The following TTN variants were observed in gnomAD, a reference collection of about 807,000 sequenced individuals.
TTN encodes titin.
In TTN, 1,525 loss-of-function variants were observed where a neutral mutation model predicts 3,223.0. The observed-to-expected ratio is 0.47, with a 90% CI of 0.45 to 0.49. TTN has a LOEUF of 0.49. Among genes scored for constraint, TTN ranks in the 20% least tolerant of loss-of-function variants. The probability of loss-of-function intolerance (pLI) is 0.00; values close to 1 mark genes in which losing one functional copy is unlikely to be tolerated. For synonymous variants in TTN, 14,094 were observed against 15,161.0 expected, an observed-to-expected ratio of 0.93 and a Z score of 5.17; for missense variants, 40,786 against 43,424.0, an observed-to-expected ratio of 0.94 and a Z score of 5.40.
At chr2:178,717,016 T>C in intron 88 of TTN, 79 bp downstream of exon 88, 1 of 1,479,270 alleles carries the variant, frequency 6.8e-7, no homozygotes, top group Non-Finnish European at 9.0e-7. Context: ...CATAGCTCTC[T>C]CTCAAGCACA....
chr2:178,609,681 T>C lies in TTN; in HGVS notation c.51739+3A>G. 1.3e-6 allele frequency: 2 copies of C among 1,571,712 alleles called. No individual in the cohort carries two copies. Among genetic ancestry groups the C allele is most frequent in the Non-Finnish European group, 1.7e-6 (2 of 1,159,084 alleles). ...AGTGGCAACTCCATGAAACAAAACT[T>C]ACCAATGGGATCTACAGCTTTGGTT... On this transcript the variant is annotated splice_donor_region_variant and intron_variant, in intron 272 of 362. Transcript: ENST00000589042.
At chr2:178,609,031 C>T (rs2055630417) in intron 273 of TTN, 123 bp from the exon 274 acceptor site, 1 of 1,328,444 alleles carries the variant, frequency 7.5e-7, no homozygotes, top group Non-Finnish European at 1.0e-6. Flanking sequence ...CTTTGTATTC[C>T]ATTAGCTAAT....
intron 88 of TTN, among the ~76,000 whole-genome samples, chr2:178,716,505 A>G (rs568851907): frequency 1.3e-5 from 2 of 152,330 alleles, no homozygotes; most frequent in Admixed American, 1.3e-4. Context: ...CAGTCCATTG[A>G]GTGAACTATT....
At position 178,621,868 on chromosome 2, in the gene TTN, C is replaced by T. The variant is rs781392140; in HGVS notation, c.45054G>A (p.Ala15018=). The T allele has an allele frequency of 3.7e-5, 60 of 1,612,018 alleles. No homozygotes were observed. The highest frequency in any genetic ancestry group is 5.0e-5 in the Admixed American group (3 of 59,804). Residue 15018 remains alanine, a synonymous_variant, in exon 244 of 363, where the codon GCG becomes GCA. Transcript: ENST00000589042. ...GAACTGTCAGCATGCCAGAAGTTCT[C>T]GCTGTCCTTACTTCACAGGAATATT... The part of the protein sequence containing the change: ...EAEYSCEVRT[A]RTSGMLTVLE...
rs1013421314 is a variant in TTN at position 178,785,243 on chromosome 2, A to C, written c.2493+377T>G. On this transcript the variant is annotated intron_variant, in intron 15 of 362. Transcript: ENST00000589042. ...TATTATTGAAACACATTCACAGTTA[A>C]GTTACTCTGAAATGTCTCACAGCAT... Among the ~76,000 whole-genome samples the C allele has an allele frequency of 8.5e-5, 13 of 152,298 alleles. No homozygotes were observed. In the South Asian group the frequency reaches 1.7e-3, roughly 19 times the overall value.
Position 178,734,448 on chromosome 2 carries a change from G to T in TTN, c.15376C>A (p.Gln5126Lys), listed in dbSNP as rs867299578. ...RSSKKYRLFS[Q>K]KSLVCLEIFS... ...ATCTCCAGACACACAAGAGACTTCT[G>T]AGAAAACAATCTGTATTTTTTACTA... is the stretch of plus-strand genomic sequence containing the variant. The change falls in exon 52 of 363, where the codon CAG (glutamine) becomes AAG (lysine). Residue 5126 changes from glutamine (Q) to lysine (K), a missense_variant. Transcript: ENST00000589042. The T allele has an allele frequency of 6.2e-7, 1 of 1,613,706 alleles. No individual in the cohort carries two copies. Among genetic ancestry groups the T allele is most frequent in the Admixed American group, 1.7e-5 (1 of 59,998 alleles).
chr2:178,773,513 A>G lies in TTN; in HGVS notation c.7543T>C (p.Tyr2515His). ...TCAACTCTGCCAACTATCAGCTTGT[A>G]AGGTCCTTCGTCTGAAGCATGAGTT... ...NRTHASDEGP[Y>H]KLIVGRVETN... Residue 2515 changes from tyrosine (Y) to histidine (H), a missense_variant, in exon 32 of 363, where the codon TAC becomes CAC. Transcript: ENST00000589042. 2 of 1,614,048 alleles carry G rather than the reference A, an allele frequency of 1.2e-6. No individual in the cohort carries two copies. The highest frequency in any genetic ancestry group is 1.3e-5 in the African/African-American group (1 of 75,038).
rs1234119302 is a variant in TTN at position 178,705,255 on chromosome 2, C to T, written c.29523G>A (p.Met9841Ile). 5.6e-6 allele frequency: 9 copies of T among 1,613,614 alleles called. No individual in the cohort carries two copies. The highest frequency in any genetic ancestry group is 2.2e-5 in the South Asian group (2 of 91,036). Residue 9841 changes from methionine to isoleucine, a missense_variant, in exon 103 of 363, where the codon ATG (methionine) becomes ATA (isoleucine). Coordinates refer to ENST00000589042, the MANE Select transcript of TTN (RefSeq NM_001267550.2). ...GACCTCGGAAGTCAGTGATTCCATA[C>T]ATGCGGGCATATTTTTCATATTCTT... ...DPKEYEKYARMYGITDFRGLL... is the reference protein window; with the variant it reads ...DPKEYEKYARIYGITDFRGLL...
Position 178,559,663 on chromosome 2 carries a change from G to A in TTN, c.86469C>T (p.Tyr28823=). The change falls in exon 326 of 363, where the codon TAC becomes TAT. Residue 28823 remains tyrosine, a synonymous_variant. Coordinates refer to ENST00000589042, the MANE Select transcript of TTN (RefSeq NM_001267550.2). ...TCAAAACATTCTGAATTGTTAATGTGTACTTTCCAGAGTCATTTCTGTTGG... is the reference window on the plus strand; with the variant it reads ...TCAAAACATTCTGAATTGTTAATGTATACTTTCCAGAGTCATTTCTGTTGG... ...ENANRNDSGK[Y]TLTIQNVLSA... 1.2e-6 allele frequency: 2 copies of A among 1,612,832 alleles called. No individual in the cohort carries two copies. The highest frequency in any genetic ancestry group is 1.7e-4 in the Middle Eastern group (1 of 6,052).
At position 178,684,966 on chromosome 2, in the gene TTN, C is replaced by A; in HGVS notation, c.32494G>T (p.Val10832Leu). ...GGAGCAGGAACTTTCTTTTCTGGCA[C>A]AATTTTCTTAGGTGCTTCAGGAACT... ...AKVPEAPKKIVPEKKVPAPVP... is the reference protein window; with the variant it reads ...AKVPEAPKKILPEKKVPAPVP... The change falls in exon 130 of 363, where the codon GTG (valine) becomes TTG (leucine). Residue 10832 changes from valine to leucine, a missense_variant. Physicochemically the swap from Val to Leu is conservative, Grantham distance 32 (BLOSUM62 1). Coordinates refer to ENST00000589042, the MANE Select transcript of TTN (RefSeq NM_001267550.2). The A allele has an allele frequency of 1.9e-6, 3 of 1,607,242 alleles. No homozygotes were observed. The highest frequency in any genetic ancestry group is 2.6e-6 in the Non-Finnish European group (3 of 1,176,350).
At chr2:178,697,451 G>T (rs1227547989) in intron 112 of TTN, among the ~76,000 whole-genome samples, 1 of 152,088 alleles carries the variant, frequency 6.6e-6, no homozygotes, top group African/African-American at 2.4e-5. Flanking sequence ...AGTTTAGATT[G>T]ATTTCTAATA....
Position 178,777,248 on chromosome 2 carries a change from C to A in TTN, c.4715G>T (p.Arg1572Leu), listed in dbSNP as rs12476289. 1 of 1,613,980 alleles carries A rather than the reference C, an allele frequency of 6.2e-7. No individual in the cohort carries two copies. Among genetic ancestry groups the A allele is most frequent in the Non-Finnish European group, 8.5e-7 (1 of 1,179,958 alleles). Residue 1572 changes from arginine (R) to leucine (L), a missense_variant, in exon 27 of 363, where the codon CGA becomes CTA. Physicochemically the swap from Arg to Leu is moderately radical, Grantham distance 102. Coordinates refer to ENST00000589042, the MANE Select transcript of TTN (RefSeq NM_001267550.2). ...LKNVNIKEGS[R>L]LEMKVRATGN... is the part of the protein sequence containing the mutation. ...CGTAGCTCTGACTTTCATTTCAAGT[C>A]GGGAACCTTCCTTTATATTGACATT...
chr2:178,733,019 A>G lies in TTN; in HGVS notation c.16157T>C (p.Met5386Thr), dbSNP rs375417155. 2.2e-5 allele frequency: 35 copies of G among 1,613,434 alleles called. No individual in the cohort carries two copies. Among genetic ancestry groups the G allele is most frequent in the Middle Eastern group, 1.6e-4 (1 of 6,078 alleles). The change falls in exon 55 of 363, where the codon ATG (methionine) becomes ACG (threonine). Residue 5386 changes from methionine to threonine, a missense_variant. Transcript: ENST00000589042. ...LDCKIAGSLP[M>T]RVSWFKDGKE... Reference sequence around the variant, plus strand: ...GCCATCCTTAAACCAGGACACCCTCATGGGGAGGGAGCCTGCAATTTTGCA... The same window carrying G: ...GCCATCCTTAAACCAGGACACCCTCGTGGGGAGGGAGCCTGCAATTTTGCA...
At chr2:178,685,231 A>G in intron 129 of TTN, 22 bp downstream of exon 129, 1 of 1,517,586 alleles carries the variant, frequency 6.6e-7, no homozygotes, top group Non-Finnish European at 8.8e-7. Flanking sequence ...ATAGTGTTGC[A>G]TTTCTTTGAA....
Position 178,741,585 on chromosome 2 carries a change from T to G in TTN, c.11648A>C (p.Lys3883Thr), listed in dbSNP as rs764648076. The G allele has an allele frequency of 6.2e-7, 1 of 1,613,738 alleles. No homozygotes were observed. The highest frequency in any genetic ancestry group is 8.5e-7 in the Non-Finnish European group (1 of 1,179,818). Reference sequence around the variant, plus strand: ...TGTATACTCTCCCTCATCCTCCAATTTGGTGAACAGAATGATCAGGCTATG... The same window carrying G: ...TGTATACTCTCCCTCATCCTCCAATGTGGTGAACAGAATGATCAGGCTATG... ...DDHSLIILFT[K>T]LEDEGEYTCM... Residue 3883 changes from lysine (K) to threonine (T), a missense_variant, in exon 48 of 363, where the codon AAA becomes ACA. Physicochemically the swap from Lys to Thr is moderately conservative, Grantham distance 78. Coordinates refer to ENST00000589042, the MANE Select transcript of TTN (RefSeq NM_001267550.2).
In TTN at chr2:178,595,285, G is replaced by GA. The variant is rs71023449; in HGVS notation, c.57847+221dup. On this transcript the variant is annotated intron_variant, in intron 295 of 362. Transcript: ENST00000589042. ...CTATGTGTCAAAACAAAACCAAAAAGAAAAAAAAAAACAAAAAGAAATTCA... is the reference window on the plus strand; with the variant it reads ...CTATGTGTCAAAACAAAACCAAAAAGAAAAAAAAAAAACAAAAAGAAATTCA... Among the ~76,000 whole-genome samples, 9,247 of 141,356 alleles carry GA rather than the reference G, an allele frequency of 0.065. 362 individuals carry two copies. The highest frequency in any genetic ancestry group is 0.18 in the East Asian group (891 of 5,002). 92.7% of individuals were successfully genotyped at this position (141,356 alleles called of 152,430 possible). A position where few individuals can be genotyped will look rare whatever the true frequency, so the allele number is the denominator to read the frequency against.
chr2:178,624,544 A>AT lies in TTN; in HGVS notation c.44735dup (p.His14912GlnfsTer2). 6.2e-7 allele frequency: 1 copy of AT among 1,612,830 alleles called. No individual in the cohort carries two copies. The highest frequency in any genetic ancestry group is 8.5e-7 in the Non-Finnish European group (1 of 1,179,228). ...TTTTAATATCCTCTGGGGTACAGTC[A>AT]TGTATAACAAGTTTTCTGACCCTGC... On this transcript the variant is annotated frameshift_variant, in exon 242 of 363. Coordinates refer to ENST00000589042, the MANE Select transcript of TTN (RefSeq NM_001267550.2). LOFTEE classifies it high-confidence loss of function.
intron 294 of TTN, among the ~76,000 whole-genome samples, chr2:178,596,512 A>G: frequency 6.6e-6 from 1 of 151,986 alleles, no homozygotes; most frequent in Non-Finnish European, 1.5e-5. Context: ...GAGATGGTTT[A>G]TTTCTGGATG....
At chr2:178,788,941 A>C (rs1649884693) in intron 13 of TTN, among the ~76,000 whole-genome samples, 1 of 152,106 alleles carries the variant, frequency 6.6e-6, no homozygotes, top group African/African-American at 2.4e-5. Flanking sequence ...AATAAGTCAT[A>C]CTCCATAACA....
Sources: allele counts gnomAD v4.1 joint callset (sites outside exome capture counted in the v4.1 genomes callset), GRCh38; gene constraint gnomAD v4.1.1; transcripts MANE v1.5; gene names NCBI Gene and HGNC (gene_info 2026-07-23, HGNC 2026-07-21).